Variants in SMYD3 observed in about 807,000 individuals in gnomAD.
SMYD3 encodes the protein histone-lysine N-methyltransferase SMYD3.
Under a neutral mutation model 57.7 loss-of-function variants are expected in SMYD3, and 36 were observed. The ratio of observed to expected loss-of-function variants is 0.62; its 90% CI spans 0.48 to 0.82. SMYD3 has a LOEUF of 0.82. Ranked by LOEUF, SMYD3 falls within the 40% of genes least tolerant of loss-of-function variation. The probability of loss-of-function intolerance (pLI) is 0.00; values close to 1 mark genes in which losing one functional copy is unlikely to be tolerated. For missense variants in SMYD3, 515 were observed against 538.8 expected (o/e 0.96, Z 0.44); for synonymous variants, 211 against 195.0 (o/e 1.08, Z -0.68).
chr1:245,802,336 G>A (rs2047909090), intron 10 of SMYD3, among the ~76,000 whole-genome samples: 1 of 152,090 alleles, frequency 6.6e-6, no homozygotes, highest in African/African-American at 2.4e-5. Flanking sequence ...AACTACACTA[G>A]TCCTAGGGCC....
intron 5 of SMYD3, among the ~76,000 whole-genome samples, chr1:246,275,755 ATGT>A (rs1433844727): frequency 1.1e-4 from 16 of 150,610 alleles, no homozygotes; most frequent in Non-Finnish European, 1.5e-4. Context: ...TCTGATGCCC[ATGT>A]TTGAATACTA....
At chr1:246,363,016 G>A (rs1179982466) in intron 1 of SMYD3, among the ~76,000 whole-genome samples, 2 of 151,742 alleles carry the variant, frequency 1.3e-5, no homozygotes, top group East Asian at 3.9e-4. Flanking sequence ...TAGGAAGTGA[G>A]GAGCGTCTCT....
At chr1:246,383,367 C>T (rs550823089) in intron 1 of SMYD3, among the ~76,000 whole-genome samples, 2 of 152,282 alleles carry the variant, frequency 1.3e-5, no homozygotes, top group Non-Finnish European at 2.9e-5. Flanking sequence ...AAGGCCACAA[C>T]TACTGAAACA....
chr1:246,018,085 G>A (rs2059407781), intron 5 of SMYD3, among the ~76,000 whole-genome samples: 1 of 152,028 alleles, frequency 6.6e-6, no homozygotes, highest in Non-Finnish European at 1.5e-5. Flanking sequence ...CCCAGACTAG[G>A]TGTGCACTAG....
At chr1:246,044,305 A>G (rs2059926396) in intron 5 of SMYD3, among the ~76,000 whole-genome samples, 1 of 152,234 alleles carries the variant, frequency 6.6e-6, no homozygotes, top group South Asian at 2.1e-4. Context: ...CTCCATGTCC[A>G]TACACACCAA....
At chr1:246,129,873 CAATCAT>C (rs1026138753) in intron 5 of SMYD3, among the ~76,000 whole-genome samples, 3 of 152,064 alleles carry the variant, frequency 2.0e-5, no homozygotes, top group Admixed American at 2.0e-4. Flanking sequence ...TGCATAGAAA[CAATCAT>C]GATCCCACAG....
intron 5 of SMYD3, among the ~76,000 whole-genome samples, chr1:246,153,941 G>T (rs578178266): frequency 6.6e-6 from 1 of 152,182 alleles, no homozygotes. Flanking sequence ...ACATCATTAG[G>T]CACTAAATCT....
intron 5 of SMYD3, among the ~76,000 whole-genome samples, chr1:246,124,674 G>A (rs897526360): frequency 2.0e-5 from 3 of 152,188 alleles, no homozygotes; most frequent in East Asian, 1.9e-4. Context: ...ACATAAGGCC[G>A]GAGAGGGACA....
At chr1:246,339,858 C>T (rs1193639068) in intron 2 of SMYD3, among the ~76,000 whole-genome samples, 6 of 152,342 alleles carry the variant, frequency 3.9e-5, no homozygotes, top group African/African-American at 1.4e-4. Context: ...CGTCATGTGA[C>T]GCCTTCTGCC....
At chr1:246,116,573 T>C (rs12092055) in intron 5 of SMYD3, among the ~76,000 whole-genome samples, 24,631 of 151,968 alleles carry the variant, frequency 0.16, 3,531 homozygotes, top group African/African-American at 0.39. Flanking sequence ...ATCTTAAACA[T>C]AGAATACATC....
At chr1:245,967,456 G>A (rs896734295) in intron 5 of SMYD3, among the ~76,000 whole-genome samples, 1 of 152,208 alleles carries the variant, frequency 6.6e-6, no homozygotes, top group Non-Finnish European at 1.5e-5. Context: ...CTGAGTGATT[G>A]TGAACAAGCC....
intron 5 of SMYD3, among the ~76,000 whole-genome samples, chr1:246,080,110 A>C (rs1327412795): frequency 6.6e-6 from 1 of 152,072 alleles, no homozygotes; most frequent in African/African-American, 2.4e-5. Context: ...GGATCCCTAA[A>C]TTTATTTTTT....
At chr1:246,153,611 G>C (rs1298505199) in intron 5 of SMYD3, among the ~76,000 whole-genome samples, 1 of 152,006 alleles carries the variant, frequency 6.6e-6, no homozygotes, top group Non-Finnish European at 1.5e-5. Flanking sequence ...GCGCCACCAT[G>C]CCTGGCTAAT....
Position 246,098,328 on chromosome 1 carries a change from G to A in SMYD3, c.532-168391C>T, listed in dbSNP as rs1453867358. Among the ~76,000 whole-genome samples the A allele has an allele frequency of 2.6e-5, 4 of 152,176 alleles. No individual in the cohort carries two copies. The East Asian group carries it at 7.7e-4, about 29-fold the overall frequency. ...AAAGTCCTAAATCCAAAGCCCTGCG[G>A]GAATGACATGAGTTTCCTGGTGTCC... On this transcript the variant is annotated intron_variant, in intron 5 of 11. Transcript: ENST00000490107.
chr1:245,853,327 A>T (rs2148460829), intron 10 of SMYD3, among the ~76,000 whole-genome samples: 1 of 152,326 alleles, frequency 6.6e-6, no homozygotes, highest in Middle Eastern at 3.4e-3. Flanking sequence ...ACAATGACAC[A>T]AGCGTCCTCA....
chr1:246,351,704 G>C (rs2065826953), intron 2 of SMYD3, among the ~76,000 whole-genome samples: 1 of 152,164 alleles, frequency 6.6e-6, no homozygotes, highest in Non-Finnish European at 1.5e-5. Context: ...CCATAAAATA[G>C]ACACATATGG....
At chr1:246,403,055 C>T (rs371372885) in intron 1 of SMYD3, among the ~76,000 whole-genome samples, 2 of 152,274 alleles carry the variant, frequency 1.3e-5, no homozygotes, top group African/African-American at 2.4e-5. Context: ...TAAAAACAAA[C>T]AAAACTCATA....
intron 8 of SMYD3, among the ~76,000 whole-genome samples, chr1:245,875,084 C>A (rs921138775): frequency 1.3e-5 from 2 of 152,240 alleles, no homozygotes; most frequent in African/African-American, 4.8e-5. Context: ...TCCTGGCACG[C>A]CAACAGAAAG....
intron 5 of SMYD3, among the ~76,000 whole-genome samples, chr1:245,933,641 T>C (rs765203946): frequency 7.9e-5 from 12 of 152,210 alleles, no homozygotes; most frequent in Non-Finnish European, 1.3e-4. Flanking sequence ...ATTTGTGTCC[T>C]GAGGTTAGCA....
Sources: gnomAD v4.1 joint callset for allele counts (sites outside exome capture counted in the v4.1 genomes callset) on GRCh38, gnomAD v4.1.1 for gene constraint, MANE v1.5 for transcripts, NCBI Gene and HGNC (gene_info 2026-07-23, HGNC 2026-07-21) for gene names.